SFMBT1: variants seen among roughly 807,000 people sequenced by gnomAD.
SFMBT1 encodes the protein scm-like with four MBT domains protein 1.
A neutral mutation model predicts 108.7 loss-of-function variants in SFMBT1; 32 were observed. That is an observed-to-expected ratio of 0.29 (90% CI 0.22 to 0.40). The LOEUF (loss-of-function observed/expected upper bound fraction) is 0.40. Among genes scored for constraint, SFMBT1 ranks in the 10% least tolerant of loss-of-function variants. SFMBT1 has a pLI of 1.00. For synonymous variants in SFMBT1, 348 were observed against 369.5 expected, an observed-to-expected ratio of 0.94 and a Z score of 0.67; for missense variants, 816 against 1,059.6, an observed-to-expected ratio of 0.77 and a Z score of 3.19.
intron 1 of SFMBT1, among the ~76,000 whole-genome samples, chr3:52,979,852 T>C (rs1387136638): frequency 6.6e-6 from 1 of 152,154 alleles, no homozygotes; most frequent in East Asian, 1.9e-4. Flanking sequence ...ACGAATCTCA[T>C]AATCTAAAGT....
intron 3 of SFMBT1, among the ~76,000 whole-genome samples, chr3:52,946,407 T>C (rs910752475): frequency 1.3e-5 from 2 of 152,258 alleles, no homozygotes; most frequent in Non-Finnish European, 2.9e-5. Context: ...ATTGACTATG[T>C]TTCCACACTA....
chr3:52,910,383 C>A (rs1453267028), intron 17 of SFMBT1, among the ~76,000 whole-genome samples: 2 of 152,154 alleles, frequency 1.3e-5, no homozygotes, highest in Non-Finnish European at 2.9e-5. Context: ...AATTTATATA[C>A]ATGCTATATA....
chr3:53,044,825 A>G (rs943587720), intron 1 of SFMBT1: 4 of 152,686 alleles, frequency 2.6e-5, no homozygotes, highest in African/African-American at 9.6e-5. Flanking sequence ...GAACACCCCC[A>G]CCTGACCCAA....
rs71615878 is a variant in SFMBT1, at chr3:52,948,825, A to ATTTTTTTTTTTTTTTTTTTTT, written c.124-5253_124-5233dup. 3.7e-4 allele frequency among the ~76,000 whole-genome samples: 29 copies of ATTTTTTTTTTTTTTTTTTTTT among 78,302 alleles called. 3 individuals are homozygous for ATTTTTTTTTTTTTTTTTTTTT. The highest frequency in any genetic ancestry group is 5.4e-4 in the Non-Finnish European group (23 of 42,472). The allele number at this position is 78,302 out of a possible 152,430, so 51.4% of individuals were successfully genotyped here. On this transcript the variant is annotated intron_variant, in intron 3 of 20. Coordinates refer to ENST00000394752, the MANE Select transcript of SFMBT1 (RefSeq NM_016329.4). The stretch of plus-strand genomic sequence containing the variant: ...CTCCACCATGCCTGGCTAATTTTTA[A>ATTTTTTTTTTTTTTTTTTTTT]TTTTTTTTTTTTTTTTTTTTTGTAG...
intron 3 of SFMBT1, among the ~76,000 whole-genome samples, chr3:52,949,320 T>C (rs921719896): frequency 6.6e-6 from 1 of 152,168 alleles, no homozygotes; most frequent in Non-Finnish European, 1.5e-5. Flanking sequence ...GTCCATTATA[T>C]CCAGTTGATT....
At chr3:52,933,741 G>A (rs576040888) in intron 5 of SFMBT1, among the ~76,000 whole-genome samples, 4 of 152,216 alleles carry the variant, frequency 2.6e-5, no homozygotes, top group Admixed American at 2.6e-4. Flanking sequence ...AAATTTAAAA[G>A]GGAATGTGAA....
intron 2 of SFMBT1, among the ~76,000 whole-genome samples, chr3:52,959,262 A>G (rs767159849): frequency 3.3e-5 from 5 of 152,200 alleles, no homozygotes; most frequent in Non-Finnish European, 7.3e-5. Flanking sequence ...CATCCTGCAC[A>G]TGTATCCCGG....
intron 1 of SFMBT1, among the ~76,000 whole-genome samples, chr3:53,021,699 C>T (rs1699312070): frequency 6.6e-6 from 1 of 152,154 alleles, no homozygotes; most frequent in African/African-American, 2.4e-5. Context: ...TGCTCTGTGT[C>T]ACAGCCTTCC....
intron 1 of SFMBT1, among the ~76,000 whole-genome samples, chr3:53,025,393 AATTCAGGAAT>A (rs1232335753): frequency 6.6e-6 from 1 of 152,144 alleles, no homozygotes; most frequent in African/African-American, 2.4e-5. Flanking sequence ...GGATCACTTT[AATTCAGGAAT>A]TTGAGACCAG....
chr3:53,040,845 A>ATG (rs34552094), intron 1 of SFMBT1, among the ~76,000 whole-genome samples: 13,108 of 151,228 alleles, frequency 0.087, 586 homozygotes, highest in East Asian at 0.12. Context: ...GGGTCTCGCT[A>ATG]TGTCACCAGG....
intron 1 of SFMBT1, among the ~76,000 whole-genome samples, chr3:52,999,065 C>CGCCG (rs1698445270): frequency 6.6e-6 from 1 of 150,402 alleles, no homozygotes; most frequent in Non-Finnish European, 1.5e-5. Context: ...CGGGGACGCC[C>CGCCG]GAGGACATGC....
intron 6 of SFMBT1, 130 bp from the exon 7 acceptor site, chr3:52,931,165 T>C (rs1702846546): frequency 1.4e-5 from 10 of 736,720 alleles, no homozygotes; most frequent in Admixed American, 2.5e-5. Flanking sequence ...AGCCCACTTA[T>C]ATCCCTTTAC....
rs1166772296 is a variant in SFMBT1 at position 52,995,076 on chromosome 3, T to C, written c.-130-25818A>G. The stretch of plus-strand genomic sequence containing the variant: ...AGGAAAGAAAAGGAAAAGAAAAGCC[T>C]GTACACTGAAACTGGAAAATATGGC... On this transcript the variant is annotated intron_variant, in intron 1 of 20. Transcript: ENST00000394752. Among the ~76,000 whole-genome samples the C allele has an allele frequency of 1.4e-5, 2 of 144,128 alleles. 1 individual carries two copies. The highest frequency in any genetic ancestry group is 3.1e-5 in the Non-Finnish European group (2 of 65,358). The allele number at this position is 144,128 out of a possible 152,430, so 94.6% of individuals were successfully genotyped here. A position where few individuals can be genotyped will look rare whatever the true frequency, so the allele number is the denominator to read the frequency against.
intron 1 of SFMBT1, among the ~76,000 whole-genome samples, chr3:52,974,501 T>C (rs1324071877): frequency 6.6e-6 from 1 of 152,224 alleles, no homozygotes; most frequent in Non-Finnish European, 1.5e-5. Flanking sequence ...TTAAACGTTG[T>C]CCTTCCATTT....
chr3:52,954,109 A>C (rs550055777), intron 3 of SFMBT1, among the ~76,000 whole-genome samples: 85 of 152,266 alleles, frequency 5.6e-4, no homozygotes, highest in African/African-American at 1.7e-3. Flanking sequence ...TGGGCGACAA[A>C]GCGAGACTCC....
intron 1 of SFMBT1, among the ~76,000 whole-genome samples, chr3:53,038,984 T>C (rs1206330010): frequency 6.6e-6 from 1 of 152,192 alleles, no homozygotes; most frequent in Non-Finnish European, 1.5e-5. Context: ...GATCACACAG[T>C]AAGATGGCAT....
At chr3:52,987,193 C>G (rs1704953137) in intron 1 of SFMBT1, among the ~76,000 whole-genome samples, 1 of 151,950 alleles carries the variant, frequency 6.6e-6, no homozygotes, top group Non-Finnish European at 1.5e-5. Flanking sequence ...AAGGACCTGT[C>G]TGAGGCTGGC....
intron 12 of SFMBT1, among the ~76,000 whole-genome samples, chr3:52,919,402 A>G (rs1401268372): frequency 6.6e-6 from 1 of 152,248 alleles, no homozygotes; most frequent in African/African-American, 2.4e-5. Flanking sequence ...AGAGCAGTAC[A>G]CTAAATGAAA....
intron 2 of SFMBT1, among the ~76,000 whole-genome samples, chr3:52,964,258 C>T (rs1452295099): frequency 2.6e-5 from 4 of 152,178 alleles, no homozygotes; most frequent in Non-Finnish European, 5.9e-5. Flanking sequence ...ACCTGTAAAT[C>T]CCAGCAATTT....
Sources: allele counts gnomAD v4.1 joint callset (sites outside exome capture counted in the v4.1 genomes callset), GRCh38; gene constraint gnomAD v4.1.1; transcripts MANE v1.5; gene names NCBI Gene and HGNC (gene_info 2026-07-23, HGNC 2026-07-21).